SMAP2: variants seen among roughly 807,000 people sequenced by gnomAD.
SMAP2 encodes small ArfGAP2.
A neutral mutation model predicts 56.4 loss-of-function variants in SMAP2; 25 were observed. That is an observed-to-expected ratio of 0.44 (90% CI 0.32 to 0.62). The LOEUF is 0.62. Among genes scored for constraint, SMAP2 ranks in the 20% least tolerant of loss-of-function variants. The pLI is 0.04. For missense variants in SMAP2, 388 were observed against 545.6 expected, an observed-to-expected ratio of 0.71 and a Z score of 2.88; for synonymous variants, 157 against 181.7, an observed-to-expected ratio of 0.86 and a Z score of 1.09.
At chr1:40,347,199 G>T (rs1468454058) in intron 1 of SMAP2, among the ~76,000 whole-genome samples, 2 of 149,970 alleles carry the variant, frequency 1.3e-5, no homozygotes, top group Non-Finnish European at 3.0e-5. Context: ...GCACCACCAC[G>T]CCTGGCTAAT....
At chr1:40,369,423 C>T (rs1469989837), upstream of SMAP2, among the ~76,000 whole-genome samples, 2 of 149,082 alleles carry the variant, frequency 1.3e-5, no homozygotes, top group Non-Finnish European at 3.0e-5. Context: ...AAGAACAAAG[C>T]TGGAGGCATC....
chr1:40,372,364 A>G (rs975737736), upstream of SMAP2, among the ~76,000 whole-genome samples: 1 of 151,942 alleles, frequency 6.6e-6, no homozygotes, highest in Non-Finnish European at 1.5e-5. Context: ...CTGGATTCCA[A>G]CTCCTGGGCT....
intron 1 of SMAP2, among the ~76,000 whole-genome samples, chr1:40,404,117 TA>T (rs1300692050): frequency 1.3e-5 from 2 of 152,046 alleles, no homozygotes; most frequent in East Asian, 1.9e-4. Flanking sequence ...TAAAATGAAA[TA>T]AAAGTAACTA....
intron 1 of SMAP2, among the ~76,000 whole-genome samples, chr1:40,345,436 C>T (rs1035564414): frequency 1.5e-4 from 23 of 151,304 alleles, no homozygotes; most frequent in Admixed American, 9.9e-4. Context: ...CTCTTAAAAA[C>T]GCTCTATCAA....
intron 1 of SMAP2, among the ~76,000 whole-genome samples, chr1:40,399,019 G>A (rs955209715): frequency 1.3e-5 from 2 of 152,202 alleles, no homozygotes; most frequent in East Asian, 3.8e-4. Flanking sequence ...GCCAGGCACA[G>A]TGGCTCACTC....
At chr1:40,410,957 A>G (rs1319991968) in intron 4 of SMAP2, among the ~76,000 whole-genome samples, 1 of 152,188 alleles carries the variant, frequency 6.6e-6, no homozygotes, top group African/African-American at 2.4e-5. Flanking sequence ...CCTATCTATC[A>G]TCTATTCTAG....
intron 4 of SMAP2, 126 bp downstream of exon 4, chr1:40,409,961 G>C: frequency 1.5e-6 from 1 of 650,312 alleles, no homozygotes; most frequent in Non-Finnish European, 2.7e-6. Flanking sequence ...TGCAAAAGTA[G>C]ACCAGGTGTG....
chr1:40,417,105 C>G lies in SMAP2; in HGVS notation c.1164+9C>G, dbSNP rs1442817016. The G allele has an allele frequency of 6.3e-7, 1 of 1,585,500 alleles. No individual in the cohort carries two copies. Among genetic ancestry groups the G allele is most frequent in the South Asian group, 1.1e-5 (1 of 89,394 alleles). On this transcript the variant is annotated intron_variant, in intron 9 of 9. Coordinates refer to ENST00000372718, the MANE Select transcript of SMAP2 (RefSeq NM_022733.3). ...AATGGAACCTTACTCAGGTAAGCTACCCCATTTTACTTGCAGCAAGAGTTT... is the reference window on the plus strand; with the variant it reads ...AATGGAACCTTACTCAGGTAAGCTAGCCCATTTTACTTGCAGCAAGAGTTT...
intron 1 of SMAP2, among the ~76,000 whole-genome samples, chr1:40,394,197 A>G (rs1487421640): frequency 2.0e-5 from 3 of 152,134 alleles, no homozygotes; most frequent in Non-Finnish European, 1.5e-5. Flanking sequence ...CACACCATCT[A>G]CCATTTCCCT....
In SMAP2 at chr1:40,358,523, G is replaced by A. The variant is rs191206196; in HGVS notation, c.-82-3777G>A. ...CACACCATTGCACTCTAGACTGGGCGACAGAGCAAGATTCCATCTCAAAAC... is the reference window on the plus strand; with the variant it reads ...CACACCATTGCACTCTAGACTGGGCAACAGAGCAAGATTCCATCTCAAAAC... On this transcript the variant is annotated intron_variant, in intron 1 of 6. Coordinates refer to the SMAP2 transcript ENST00000435168. Among the ~76,000 whole-genome samples, 226 of 152,222 alleles carry A rather than the reference G, an allele frequency of 1.5e-3. 1 individual carries two copies. Among genetic ancestry groups the A allele is most frequent in the African/African-American group, 4.8e-3 (201 of 41,534 alleles).
In SMAP2 at chr1:40,408,630, T is replaced by G; in HGVS notation, c.238-23T>G. The G allele has an allele frequency of 1.2e-6, 2 of 1,602,916 alleles. No individual in the cohort carries two copies. The highest frequency in any genetic ancestry group is 1.7e-6 in the Non-Finnish European group (2 of 1,170,006). On this transcript the variant is annotated intron_variant, in intron 2 of 9. Transcript: ENST00000372718. The surrounding 1 kb of genome is among the most constrained non-coding windows in gnomAD (Gnocchi z 4.3). The stretch of plus-strand genomic sequence containing the variant: ...TCTTTCTTGATCTGACGTTCCATGT[T>G]TCTACATTCTCTTTGGTCACAGTGC...
At chr1:40,356,194 G>T (rs1644435044) in intron 1 of SMAP2, among the ~76,000 whole-genome samples, 1 of 152,088 alleles carries the variant, frequency 6.6e-6, no homozygotes. Flanking sequence ...GTACTCCATT[G>T]TATGTACGTA....
upstream of SMAP2, among the ~76,000 whole-genome samples, chr1:40,371,011 A>G (rs1219687789): frequency 6.6e-6 from 1 of 152,052 alleles, no homozygotes; most frequent in Non-Finnish European, 1.5e-5. Context: ...TGCCTCTATT[A>G]AAATACAAAA....
intron 1 of SMAP2, among the ~76,000 whole-genome samples, chr1:40,392,785 T>C (rs1644729374): frequency 6.6e-6 from 1 of 152,120 alleles, no homozygotes; most frequent in Non-Finnish European, 1.5e-5. Flanking sequence ...AGCAAAATAG[T>C]CATACTAGGT....
rs537085662 is a variant in SMAP2 at position 40,367,742 on chromosome 1, G to T, written c.55+5306G>T. On this transcript the variant is annotated intron_variant, in intron 2 of 6. Coordinates refer to the SMAP2 transcript ENST00000435168. ...AATTTTTAGCACTAAATGCCCACAA[G>T]AGAAAGCAGGAAAGATCCAAAATTG... is the stretch of plus-strand genomic sequence containing the variant. Among the ~76,000 whole-genome samples, 32 of 147,990 alleles carry T rather than the reference G, an allele frequency of 2.2e-4. 1 individual carries two copies. Among genetic ancestry groups the T allele is most frequent in the Admixed American group, 1.4e-3 (21 of 14,550 alleles).
At chr1:40,346,926 T>C (rs1461195427) in intron 1 of SMAP2, among the ~76,000 whole-genome samples, 2 of 151,952 alleles carry the variant, frequency 1.3e-5, no homozygotes, top group Non-Finnish European at 2.9e-5. Context: ...CATAGCTCAC[T>C]GCAGCCTGGG....
chr1:40,391,095 C>T (rs1247609875), intron 1 of SMAP2, among the ~76,000 whole-genome samples: 1 of 152,172 alleles, frequency 6.6e-6, no homozygotes, highest in South Asian at 2.1e-4. Context: ...GCCAGTAGCT[C>T]TTCCCTACCC....
chr1:40,356,415 GTT>G (rs1205631860), intron 1 of SMAP2, among the ~76,000 whole-genome samples: 1 of 134,124 alleles, frequency 7.5e-6, no homozygotes, highest in Non-Finnish European at 1.6e-5. Context: ...GTTTTTTTTT[GTT>G]TTTTTTTTTT....
chr1:40,360,840 T>C (rs1463974390), intron 1 of SMAP2, among the ~76,000 whole-genome samples: 1 of 152,112 alleles, frequency 6.6e-6, no homozygotes, highest in East Asian at 1.9e-4. Flanking sequence ...ATACCAGTGG[T>C]TGGAAACAGT....
Sources: gnomAD v4.1 joint callset for allele counts (sites outside exome capture counted in the v4.1 genomes callset) on GRCh38, gnomAD v4.1.1 for gene constraint, Gnocchi (gnomAD v3.1) non-coding constraint, MANE v1.5 for transcripts, NCBI Gene and HGNC (gene_info 2026-07-23, HGNC 2026-07-21) for gene names.